Variants in TM9SF2 observed in about 807,000 individuals in gnomAD.
The protein encoded by TM9SF2 is transmembrane 9 superfamily member 2.
TM9SF2 carries 13 observed loss-of-function variants against 84.9 expected under a neutral mutation model. The observed-to-expected ratio is 0.15, with a 90% confidence interval of 0.10 to 0.24. The LOEUF (loss-of-function observed/expected upper bound fraction) is 0.24, where lower values mean the gene tolerates loss of function less well. TM9SF2 is among the 10% of genes least tolerant of loss of function. TM9SF2 has a pLI of 1.00. For missense variants in TM9SF2, 562 were observed against 818.5 expected, an observed-to-expected ratio of 0.69 and a Z score of 3.82; for synonymous variants, 273 against 285.8, an observed-to-expected ratio of 0.96 and a Z score of 0.45.
intron 4 of TM9SF2, among the ~76,000 whole-genome samples, chr13:99,535,120 C>G (rs1456086081): frequency 6.6e-6 from 1 of 152,114 alleles, no homozygotes; most frequent in Non-Finnish European, 1.5e-5. Context: ...CTACTGCACT[C>G]CAGCCTGGGT....
intron 10 of TM9SF2, 60 bp downstream of exon 10, chr13:99,544,055 A>C: frequency 6.3e-7 from 1 of 1,591,482 alleles, no homozygotes; most frequent in Non-Finnish European, 8.6e-7. Context: ...TAATTGCTTA[A>C]AAACCAGTTT....
intron 14 of TM9SF2, 103 bp downstream of exon 14, chr13:99,554,558 A>G (rs559957443): frequency 8.1e-7 from 1 of 1,231,496 alleles, no homozygotes; most frequent in Admixed American, 3.0e-5. Context: ...AAATGTAAGC[A>G]GTTCTTCAGT....
intron 3 of TM9SF2, among the ~76,000 whole-genome samples, chr13:99,527,071 C>CT (rs2046186748): frequency 1.3e-5 from 2 of 152,084 alleles, no homozygotes; most frequent in South Asian, 4.1e-4. Context: ...GGGTGTTCTG[C>CT]TGGTGACACA....
chr13:99,512,231 TGTTATA>T (rs909363066), intron 1 of TM9SF2, among the ~76,000 whole-genome samples: 13 of 152,370 alleles, frequency 8.5e-5, no homozygotes, highest in African/African-American at 2.6e-4. Flanking sequence ...GTTTATTATT[TGTTATA>T]GTTATTGTGT....
intron 3 of TM9SF2, among the ~76,000 whole-genome samples, chr13:99,522,212 G>T (rs776988189): frequency 1.8e-4 from 27 of 152,050 alleles, no homozygotes; most frequent in Non-Finnish European, 2.8e-4. Flanking sequence ...GTAGAGATGG[G>T]GTTTTGCCAA....
intron 3 of TM9SF2, among the ~76,000 whole-genome samples, chr13:99,526,343 G>A (rs2046183393): frequency 6.6e-6 from 1 of 152,226 alleles, no homozygotes; most frequent in African/African-American, 2.4e-5. Flanking sequence ...GTTTTAACAA[G>A]TGAATACCAA....
chr13:99,537,695 T>G, intron 5 of TM9SF2, 44 bp from the exon 6 acceptor site: 1 of 1,516,932 alleles, frequency 6.6e-7, no homozygotes, highest in East Asian at 2.3e-5. Flanking sequence ...TTGACTCTTA[T>G]GTAGTCAGTT....
intron 3 of TM9SF2, among the ~76,000 whole-genome samples, chr13:99,526,793 T>C (rs2046185587): frequency 6.6e-6 from 1 of 150,634 alleles, no homozygotes; most frequent in African/African-American, 2.4e-5. Flanking sequence ...AGTGTTGCAG[T>C]GACAGTGAGC....
intron 12 of TM9SF2, among the ~76,000 whole-genome samples, chr13:99,550,969 A>G (rs2139107547): frequency 6.6e-6 from 1 of 152,354 alleles, no homozygotes; most frequent in South Asian, 2.1e-4. Flanking sequence ...AGATAACATT[A>G]TTTGTATACA....
chr13:99,528,349 A>G (rs2046193187), intron 3 of TM9SF2, among the ~76,000 whole-genome samples: 1 of 152,224 alleles, frequency 6.6e-6, no homozygotes, highest in East Asian at 1.9e-4. Context: ...TAAAAGATGA[A>G]TAAGGGTTGT....
chr13:99,554,204 A>G, intron 13 of TM9SF2, 100 bp from the exon 14 acceptor site: 1 of 1,403,016 alleles, frequency 7.1e-7, no homozygotes, highest in South Asian at 1.4e-5. Flanking sequence ...ATTAGTGACA[A>G]CATAGAAGCT....
At chr13:99,529,327 G>T in intron 3 of TM9SF2, 140 bp from the exon 4 acceptor site, 1 of 652,168 alleles carries the variant, frequency 1.5e-6, no homozygotes, top group East Asian at 3.5e-5. Flanking sequence ...GAGCTATGAG[G>T]AATTTAAAAA....
intron 15 of TM9SF2, among the ~76,000 whole-genome samples, chr13:99,559,034 A>G (rs2046334816): frequency 6.6e-6 from 1 of 152,224 alleles, no homozygotes; most frequent in Admixed American, 6.5e-5. Context: ...CCTGTGAGTA[A>G]GTTGTAAGCT....
intron 3 of TM9SF2, among the ~76,000 whole-genome samples, chr13:99,521,018 T>G (rs2046157793): frequency 6.6e-6 from 1 of 152,210 alleles, no homozygotes; most frequent in Non-Finnish European, 1.5e-5. Context: ...CTGTTATCTT[T>G]TAAGCCTATT....
Position 99,517,725 on chromosome 13 carries a change from C to G in TM9SF2, c.239+44C>G, listed in dbSNP as rs1392966838. The G allele has an allele frequency of 2.2e-6, 3 of 1,392,516 alleles. No individual in the cohort carries two copies. In the African/African-American group the frequency reaches 4.4e-5, roughly 20 times the overall value. 86.3% of individuals were successfully genotyped at this position (1,392,516 alleles called of 1,614,324 possible). ...CTTTTATATAAAATTTTATGTGACTCATCAGAATTTTGTACATTGAGAACT... is the reference window on the plus strand; with the variant it reads ...CTTTTATATAAAATTTTATGTGACTGATCAGAATTTTGTACATTGAGAACT... On this transcript the variant is annotated intron_variant, in intron 2 of 16. Coordinates refer to ENST00000376387, the MANE Select transcript of TM9SF2 (RefSeq NM_004800.3).
chr13:99,557,245 G>A (rs2139113097), intron 15 of TM9SF2, among the ~76,000 whole-genome samples: 1 of 152,264 alleles, frequency 6.6e-6, no homozygotes, highest in Admixed American at 6.5e-5. Flanking sequence ...GTGAAGCGGT[G>A]TCTCATTCTG....
chr13:99,557,675 A>G (rs377462606), intron 15 of TM9SF2, among the ~76,000 whole-genome samples: 18 of 152,286 alleles, frequency 1.2e-4, no homozygotes, highest in African/African-American at 3.1e-4. Flanking sequence ...GCTTGAGCCC[A>G]GGATTTTGAG....
chr13:99,556,999 C>A (rs1049172075), intron 15 of TM9SF2, among the ~76,000 whole-genome samples: 1 of 152,126 alleles, frequency 6.6e-6, no homozygotes, highest in Non-Finnish European at 1.5e-5. Context: ...TGTGAACATT[C>A]ATGTACAAGT....
chr13:99,553,183 A>G (rs2139109499), intron 13 of TM9SF2, among the ~76,000 whole-genome samples: 1 of 152,284 alleles, frequency 6.6e-6, no homozygotes, highest in South Asian at 2.1e-4. Context: ...CTCTAACCGC[A>G]CTTCAGTATC....
Sources: allele counts gnomAD v4.1 joint callset (sites outside exome capture counted in the v4.1 genomes callset), GRCh38; gene constraint gnomAD v4.1.1; transcripts MANE v1.5; gene names NCBI Gene and HGNC (gene_info 2026-07-23, HGNC 2026-07-21).